The following LMBRD2 variants were observed in gnomAD, a reference collection of about 807,000 sequenced individuals.
The protein encoded by LMBRD2 is G protein-coupled receptor-associated protein LMBRD2.
Under a neutral mutation model 94.4 loss-of-function variants are expected in LMBRD2, and 55 were observed. The ratio of observed to expected loss-of-function variants is 0.58; its 90% CI spans 0.47 to 0.73. The LOEUF is 0.73. LMBRD2 is among the 30% of genes least tolerant of loss of function. The pLI is 0.00. For missense variants in LMBRD2, 640 were observed against 831.9 expected (o/e 0.77, Z 2.84); for synonymous variants, 246 against 272.4 (o/e 0.90, Z 0.95).
chr5:36,150,513 T>C (rs2111925576), intron 1 of LMBRD2, among the ~76,000 whole-genome samples: 1 of 152,364 alleles, frequency 6.6e-6, no homozygotes, highest in Non-Finnish European at 1.5e-5. Flanking sequence ...TAATTTTTTG[T>C]GTCAAAAATA....
chr5:36,115,878 T>A (rs1261390968), intron 11 of LMBRD2, among the ~76,000 whole-genome samples: 1 of 152,200 alleles, frequency 6.6e-6, no homozygotes, highest in Non-Finnish European at 1.5e-5. Flanking sequence ...CATTTGCAAC[T>A]TCCCATGAGT....
At position 36,114,490 on chromosome 5, in the gene LMBRD2, A is replaced by T. The variant is rs1415747349; in HGVS notation, c.1574T>A (p.Ile525Asn). 6.4e-7 allele frequency: 1 copy of T among 1,565,166 alleles called. No homozygotes were observed. The highest frequency in any genetic ancestry group is 8.6e-7 in the Non-Finnish European group (1 of 1,161,782). ...ATAATATATATAGAATCCATCTGCA[A>T]TAAAGGATAAAACTTTCATGGAACC... ...IMGSMKVLSF[I>N]ADGFYIYYPM... Residue 525 changes from isoleucine (I) to asparagine (N), a missense_variant, in exon 13 of 18, where the codon ATT becomes AAT. Transcript: ENST00000296603.
intron 14 of LMBRD2, among the ~76,000 whole-genome samples, chr5:36,110,807 C>G (rs554016639): frequency 6.6e-6 from 1 of 151,920 alleles, no homozygotes; most frequent in African/African-American, 2.4e-5. Flanking sequence ...AGTATCAAAC[C>G]GATGATTCTT....
chr5:36,116,195 T>A (rs754820727), intron 11 of LMBRD2, among the ~76,000 whole-genome samples: 36 of 152,166 alleles, frequency 2.4e-4, no homozygotes, highest in Non-Finnish European at 7.4e-5. Flanking sequence ...TTCTACTGCT[T>A]GCTAATCTCT....
At chr5:36,105,897 AC>A (rs1173803648) in intron 16 of LMBRD2, among the ~76,000 whole-genome samples, 1 of 152,114 alleles carries the variant, frequency 6.6e-6, no homozygotes, top group Non-Finnish European at 1.5e-5. Flanking sequence ...CCAAATTTTC[AC>A]AATGTTGTTC....
chr5:36,144,851 G>A (rs1343952552), intron 1 of LMBRD2, among the ~76,000 whole-genome samples: 1 of 152,080 alleles, frequency 6.6e-6, no homozygotes, highest in Non-Finnish European at 1.5e-5. Flanking sequence ...CTATCACATA[G>A]AAAAATCACA....
intron 9 of LMBRD2, among the ~76,000 whole-genome samples, chr5:36,120,108 G>A (rs1743854061): frequency 6.7e-6 from 1 of 149,942 alleles, no homozygotes; most frequent in Admixed American, 6.7e-5. Flanking sequence ...CCCCAGGCTG[G>A]AGTGTAGTGG....
At chr5:36,124,096 C>A in intron 7 of LMBRD2, 95 bp downstream of exon 7, 1 of 617,976 alleles carries the variant, frequency 1.6e-6, no homozygotes. Context: ...TAGAAGACCT[C>A]AGCTATAGGC....
intron 4 of LMBRD2, 97 bp from the exon 5 acceptor site, chr5:36,137,538 A>G: frequency 3.0e-6 from 2 of 664,102 alleles, no homozygotes; most frequent in Non-Finnish European, 2.5e-6. Flanking sequence ...ATTTTAATGA[A>G]TAGGTCTTCT....
Position 36,117,871 on chromosome 5 carries a change from A to C in LMBRD2, c.1166T>G (p.Leu389Arg). The change falls in exon 10 of 18, where the codon CTT (leucine) becomes CGT (arginine). Residue 389 changes from leucine to arginine, a missense_variant. Physicochemically the swap from Leu to Arg is moderately radical, Grantham distance 102. Around this residue, in one of 2 missense-constraint regions of LMBRD2, gnomAD observed 457 missense variants for 642.8 expected, o/e 0.71. Transcript: ENST00000296603. The part of the protein sequence containing the change: ...CLLRPWFYKI[L>R]AVVLSIFSVI... ...AGAGAAGATGGACAGAACCACAGCA[A>C]GTATCTTGTAAAACCATGGTCGCAA... 1 of 1,613,568 alleles carries C rather than the reference A, an allele frequency of 6.2e-7. No homozygotes were observed. The highest frequency in any genetic ancestry group is 1.7e-5 in the Admixed American group (1 of 59,914).
intron 1 of LMBRD2, among the ~76,000 whole-genome samples, chr5:36,148,420 A>G (rs528880754): frequency 1.3e-5 from 2 of 152,336 alleles, no homozygotes; most frequent in Admixed American, 6.5e-5. Context: ...ATGTAAGCAT[A>G]TAAGAAAAAA....
At chr5:36,146,438 A>G (rs1183009609) in intron 1 of LMBRD2, among the ~76,000 whole-genome samples, 6 of 152,192 alleles carry the variant, frequency 3.9e-5, no homozygotes, top group Non-Finnish European at 7.3e-5. Context: ...TGGCATGATC[A>G]TGGCTCAACA....
chr5:36,100,771 T>C lies in LMBRD2; in HGVS notation c.*3275A>G, dbSNP rs1342507877. The C allele has an allele frequency of 6.6e-6, 1 of 152,110 alleles. No homozygotes were observed. The highest frequency in any genetic ancestry group is 2.4e-5 in the African/African-American group (1 of 41,446). 9.4% of individuals were successfully genotyped at this position (152,110 alleles called of 1,614,324 possible). A position where few individuals can be genotyped will look rare whatever the true frequency, so the allele number is the denominator to read the frequency against. ...CTTACTAAACAGGTGAATTATAATATGGAGAGTTTATTTTTTCTCTAATAT... is the reference window on the plus strand; with the variant it reads ...CTTACTAAACAGGTGAATTATAATACGGAGAGTTTATTTTTTCTCTAATAT... On this transcript the variant is annotated 3_prime_UTR_variant, in exon 18 of 18. Transcript: ENST00000296603.
chr5:36,124,109 T>C, intron 7 of LMBRD2, 82 bp downstream of exon 7: 1 of 758,310 alleles, frequency 1.3e-6, no homozygotes, highest in Non-Finnish European at 2.1e-6. Context: ...CTATAGGCTG[T>C]TTTCATACTT....
rs775431146 is a variant in LMBRD2 at position 36,115,021 on chromosome 5, A to G, written c.1536T>C (p.Tyr512=). 6.4e-7 allele frequency: 1 copy of G among 1,573,918 alleles called. No individual in the cohort carries two copies. The highest frequency in any genetic ancestry group is 1.1e-5 in the South Asian group (1 of 89,846). ...ISHKNTQPTA[Y]TSIMGSMKVL... ...ATTTTCTGACCGTACTTACAGATGTATAAGCAGTTGGTTGAGTATTCTTGT... is the reference window on the plus strand; with the variant it reads ...ATTTTCTGACCGTACTTACAGATGTGTAAGCAGTTGGTTGAGTATTCTTGT... Residue 512 remains tyrosine, a synonymous_variant, in exon 12 of 18, where the codon TAT becomes TAC. Transcript: ENST00000296603.
At chr5:36,121,876 C>A (rs974084023) in intron 9 of LMBRD2, among the ~76,000 whole-genome samples, 4 of 152,120 alleles carry the variant, frequency 2.6e-5, no homozygotes, top group Non-Finnish European at 5.9e-5. Context: ...GAGTAATAAG[C>A]CATACCATAT....
intron 1 of LMBRD2, among the ~76,000 whole-genome samples, chr5:36,143,863 G>C (rs112985508): frequency 3.3e-5 from 5 of 151,794 alleles, no homozygotes; most frequent in African/African-American, 1.2e-4. Flanking sequence ...TTTTCTAAAA[G>C]AGAGGAAGGA....
chr5:36,136,463 A>G lies in LMBRD2; in HGVS notation c.593T>C (p.Leu198Pro), dbSNP rs199947219. 1 of 1,614,094 alleles carries G rather than the reference A, an allele frequency of 6.2e-7. No homozygotes were observed. The highest frequency in any genetic ancestry group is 2.2e-5 in the East Asian group (1 of 44,882). Residue 198 changes from leucine (L) to proline (P), a missense_variant, in exon 6 of 18, where the codon CTT becomes CCT. Leu to Pro is a moderately conservative substitution (Grantham distance 98). Around this residue, in one of 2 missense-constraint regions of LMBRD2, gnomAD observed 457 missense variants for 642.8 expected, o/e 0.71. Coordinates refer to ENST00000296603, the MANE Select transcript of LMBRD2 (RefSeq NM_001007527.2). ...AAANTWGLFLLVLLLGYGLVE... is the reference protein window; with the variant it reads ...AAANTWGLFLPVLLLGYGLVE... The stretch of plus-strand genomic sequence containing the variant: ...CAAGCCATACCCCAACAACAACACA[A>G]GAAGAAACAGACCCCATGTATTTGC...
chr5:36,143,319 C>T lies in LMBRD2; in HGVS notation c.31G>A (p.Val11Ile). Residue 11 changes from valine to isoleucine, a missense_variant, in exon 2 of 18, where the codon GTT becomes ATT. This residue lies in a region of LMBRD2 where 457 missense variants were observed against 642.8 expected (regional missense o/e 0.71). Transcript: ENST00000296603. Reference protein sequence around the residue: MSGAALGLEIVFVFFLALFLL... With the variant: MSGAALGLEIIFVFFLALFLL... Reference sequence around the variant, plus strand: ...AATAATGCCAGAAAAAAGACAAAAACAATCTCAAGTCCCAAAGCTGCACCA... The same window carrying T: ...AATAATGCCAGAAAAAAGACAAAAATAATCTCAAGTCCCAAAGCTGCACCA... 1 of 1,613,428 alleles carries T rather than the reference C, an allele frequency of 6.2e-7. No homozygotes were observed. The highest frequency in any genetic ancestry group is 8.5e-7 in the Non-Finnish European group (1 of 1,179,688).
Sources: gnomAD v4.1 joint callset for allele counts (sites outside exome capture counted in the v4.1 genomes callset) on GRCh38, gnomAD v4.1.1 for gene constraint, gnomAD v4.1.1 regional missense constraint, MANE v1.5 for transcripts, NCBI Gene and HGNC (gene_info 2026-07-23, HGNC 2026-07-21) for gene names.